Variants in ZNF423 observed in about 807,000 individuals in gnomAD.
ZNF423 encodes Ebf-associated zinc finger protein.
In ZNF423, 12 loss-of-function variants were observed where a neutral mutation model predicts 95.8. The ratio of observed to expected loss-of-function variants is 0.13; its 90% CI spans 0.08 to 0.20. The LOEUF is 0.20. Ranked by LOEUF, ZNF423 falls within the 10% of genes least tolerant of loss-of-function variation. The pLI is 1.00. For missense variants in ZNF423, 1,316 were observed against 1,737.1 expected, an observed-to-expected ratio of 0.76 and a Z score of 4.31; for synonymous variants, 749 against 711.9, an observed-to-expected ratio of 1.05 and a Z score of -0.83.
intron 3 of ZNF423, among the ~76,000 whole-genome samples, chr16:49,661,783 G>T (rs1053021578): frequency 6.6e-6 from 1 of 152,198 alleles, no homozygotes; most frequent in East Asian, 1.9e-4. Context: ...TCAGGATCAT[G>T]TCCAGGAAGG....
chr16:49,517,798 T>G (rs1472275888), intron 7 of ZNF423: 2 of 360,350 alleles, frequency 5.6e-6, no homozygotes, highest in Non-Finnish European at 1.1e-5. Flanking sequence ...CTCGTTGTTG[T>G]TCCTGCTGCT....
intron 3 of ZNF423, among the ~76,000 whole-genome samples, chr16:49,652,456 C>T (rs1973443797): frequency 6.6e-6 from 1 of 152,064 alleles, no homozygotes; most frequent in Admixed American, 6.5e-5. Context: ...AGGAAGAGCC[C>T]CCCAAGTCTG....
intron 4 of ZNF423, among the ~76,000 whole-genome samples, chr16:49,632,967 C>A (rs1972555937): frequency 6.6e-6 from 1 of 152,196 alleles, no homozygotes; most frequent in Non-Finnish European, 1.5e-5. Flanking sequence ...AGTGACCCAG[C>A]CCAGCTGCAC....
chr16:49,859,213 G>A (rs940062140), upstream of ZNF423, among the ~76,000 whole-genome samples: 4 of 152,092 alleles, frequency 2.6e-5, no homozygotes, highest in African/African-American at 9.7e-5. Flanking sequence ...ACTGAGGACG[G>A]AGGTGGGGGC....
rs1056468461 is a variant in ZNF423 at position 49,600,073 on chromosome 16, C to A, written c.3601+26097G>T. On this transcript the variant is annotated intron_variant, in intron 5 of 7. Transcript: ENST00000563137. ...TGGTGGCTCACTCCTGTAATCCCAG[C>A]ACTTTGGGAGGCTGAGGCACTTGAG... 3.9e-5 allele frequency among the ~76,000 whole-genome samples: 6 copies of A among 152,186 alleles called. 1 individual carries two copies. The East Asian group carries it at 1.2e-3, about 29-fold the overall frequency.
chr16:49,789,889 C>T (rs2034384018), intron 1 of ZNF423, among the ~76,000 whole-genome samples: 2 of 152,150 alleles, frequency 1.3e-5, no homozygotes, highest in African/African-American at 4.8e-5. Flanking sequence ...CATGACCCTG[C>T]TGAGACCTGA....
chr16:49,608,239 GA>G (rs1378186769), intron 5 of ZNF423, among the ~76,000 whole-genome samples: 1 of 152,168 alleles, frequency 6.6e-6, no homozygotes, highest in East Asian at 1.9e-4. Flanking sequence ...AGGAACAAGG[GA>G]TCGTTAGTAT....
At chr16:49,574,991 G>A (rs536653915) in intron 5 of ZNF423, among the ~76,000 whole-genome samples, 3 of 152,174 alleles carry the variant, frequency 2.0e-5, no homozygotes, top group Middle Eastern at 3.4e-3. Flanking sequence ...CCAGATGCCC[G>A]GCCCTGCCCA....
intron 2 of ZNF423, among the ~76,000 whole-genome samples, chr16:49,768,647 C>T (rs2033973712): frequency 6.6e-6 from 1 of 152,140 alleles, no homozygotes; most frequent in Non-Finnish European, 1.5e-5. Flanking sequence ...CATCCTTCAA[C>T]GTCGATGTCC....
At chr16:49,672,795 G>A (rs2030872973) in intron 3 of ZNF423, among the ~76,000 whole-genome samples, 1 of 152,118 alleles carries the variant, frequency 6.6e-6, no homozygotes, top group African/African-American at 2.4e-5. Context: ...TCCAGTCTGG[G>A]CGACAGAGTG....
Position 49,688,211 on chromosome 16 carries a change from C to T in ZNF423, c.301+42560G>A, listed in dbSNP as rs543124276. Among the ~76,000 whole-genome samples, 6 of 152,214 alleles carry T rather than the reference C, an allele frequency of 3.9e-5. No individual in the cohort carries two copies. The South Asian group carries it at 1.0e-3, about 26-fold the overall frequency. On this transcript the variant is annotated intron_variant, in intron 3 of 7. Transcript: ENST00000563137. ...GCAGAAAAAAGGATTGCCCAGGGAC[C>T]GAGCTTAAGTAGAAGCTGGATTAAA...
intron 5 of ZNF423, among the ~76,000 whole-genome samples, chr16:49,618,453 G>A (rs1596724543): frequency 6.6e-6 from 1 of 152,080 alleles, no homozygotes; most frequent in East Asian, 1.9e-4. Context: ...TCATGGAGGT[G>A]GTTTCCCCAA....
intron 5 of ZNF423, among the ~76,000 whole-genome samples, chr16:49,612,716 G>C (rs142515228): frequency 6.6e-6 from 1 of 152,194 alleles, no homozygotes; most frequent in Non-Finnish European, 1.5e-5. Context: ...AAGGCATACA[G>C]ATAGTTAAGA....
At chr16:49,827,361 C>T (rs2035015762) in intron 1 of ZNF423, among the ~76,000 whole-genome samples, 1 of 152,074 alleles carries the variant, frequency 6.6e-6, no homozygotes, top group Non-Finnish European at 1.5e-5. Context: ...ATTTCACTTC[C>T]TTGTCTGGTT....
At chr16:49,830,030 GA>G (rs2035045472) in intron 1 of ZNF423, among the ~76,000 whole-genome samples, 1 of 152,144 alleles carries the variant, frequency 6.6e-6, no homozygotes, top group Admixed American at 6.5e-5. Context: ...ACTGAGGAAG[GA>G]ACTGTAAACA....
At chr16:49,608,925 T>C (rs1410617178) in intron 5 of ZNF423, among the ~76,000 whole-genome samples, 2 of 152,270 alleles carry the variant, frequency 1.3e-5, no homozygotes, top group African/African-American at 4.8e-5. Context: ...CCATCCCTGT[T>C]AATGTGGCAT....
intron 1 of ZNF423, among the ~76,000 whole-genome samples, chr16:49,813,457 C>T (rs1333716059): frequency 1.3e-5 from 2 of 152,180 alleles, no homozygotes; most frequent in Non-Finnish European, 2.9e-5. Flanking sequence ...TAACCCTAAC[C>T]TCAATGTGCC....
chr16:49,653,376 G>A (rs1211854295), intron 3 of ZNF423, among the ~76,000 whole-genome samples: 4 of 148,358 alleles, frequency 2.7e-5, no homozygotes, highest in South Asian at 2.2e-4. Flanking sequence ...TCCTCCAGCC[G>A]CCGGAGGGAA....
intron 3 of ZNF423, among the ~76,000 whole-genome samples, chr16:49,671,369 T>C (rs775153007): frequency 1.3e-5 from 2 of 152,216 alleles, no homozygotes; most frequent in South Asian, 2.1e-4. Context: ...CTGGGTCCTG[T>C]AGCCCACCCT....
Sources: allele counts gnomAD v4.1 joint callset (sites outside exome capture counted in the v4.1 genomes callset), GRCh38; gene constraint gnomAD v4.1.1; transcripts MANE v1.5; gene names NCBI Gene and HGNC (gene_info 2026-07-23, HGNC 2026-07-21).